The following CADM2 variants were observed in gnomAD, a reference collection of about 807,000 sequenced individuals.
The protein encoded by CADM2 is cell adhesion molecule 2, also known as immunoglobulin superfamily member 4D.
Under a neutral mutation model 49.8 loss-of-function variants are expected in CADM2, and 12 were observed. The observed-to-expected ratio is 0.24, with a 90% CI of 0.15 to 0.39. The LOEUF is 0.39. Among genes scored for constraint, CADM2 ranks in the 10% least tolerant of loss-of-function variants. The pLI is 1.00. For missense variants in CADM2, 378 were observed against 492.3 expected (o/e 0.77, Z 2.20); for synonymous variants, 214 against 175.4 (o/e 1.22, Z -1.74).
intron 1 of CADM2, among the ~76,000 whole-genome samples, chr3:85,656,153 C>T (rs1381452492): frequency 2.0e-5 from 3 of 151,942 alleles, no homozygotes; most frequent in African/African-American, 7.2e-5. Flanking sequence ...ATGATCCTAA[C>T]TTTTTTATAT....
At chr3:85,524,121 C>A (rs139674866) in intron 1 of CADM2, among the ~76,000 whole-genome samples, 266 of 152,214 alleles carry the variant, frequency 1.7e-3, no homozygotes, top group African/African-American at 6.0e-3. Flanking sequence ...GAGTTACCAT[C>A]CCCAAAATAA....
chr3:85,127,268 C>T (rs1355916200), intron 1 of CADM2, among the ~76,000 whole-genome samples: 1 of 152,108 alleles, frequency 6.6e-6, no homozygotes, highest in Admixed American at 6.5e-5. Context: ...TACTGTGCTT[C>T]AATGGAATAA....
intron 1 of CADM2, among the ~76,000 whole-genome samples, chr3:85,262,998 CTTTT>C (rs959956940): frequency 6.0e-5 from 9 of 150,028 alleles, no homozygotes; most frequent in African/African-American, 2.3e-4. Flanking sequence ...TTCTTTCTTT[CTTTT>C]TTGTTTTGGA....
At chr3:85,982,160 G>A (rs1727558555) in intron 8 of CADM2, among the ~76,000 whole-genome samples, 1 of 151,644 alleles carries the variant, frequency 6.6e-6, no homozygotes, top group South Asian at 2.1e-4. Context: ...CTGCTTTTGA[G>A]AATTATCTGT....
intron 1 of CADM2, among the ~76,000 whole-genome samples, chr3:85,199,914 T>G (rs1288936115): frequency 6.6e-6 from 1 of 152,088 alleles, no homozygotes; most frequent in East Asian, 1.9e-4. Context: ...ATTGAAAAGT[T>G]TACTGTATCT....
At chr3:85,930,790 A>T (rs1720490092) in intron 6 of CADM2, among the ~76,000 whole-genome samples, 1 of 151,936 alleles carries the variant, frequency 6.6e-6, no homozygotes, top group Non-Finnish European at 1.5e-5. Context: ...ACTGGATCTC[A>T]TTCTTTTTAT....
At chr3:85,477,699 G>A (rs1016909442) in intron 1 of CADM2, among the ~76,000 whole-genome samples, 4 of 151,768 alleles carry the variant, frequency 2.6e-5, no homozygotes, top group Non-Finnish European at 2.9e-5. Context: ...TTCTTTTAAT[G>A]ATCTTGTTTG....
chr3:85,094,923 C>A (rs768734423), intron 1 of CADM2, among the ~76,000 whole-genome samples: 4 of 151,988 alleles, frequency 2.6e-5, no homozygotes, highest in Non-Finnish European at 5.9e-5. Flanking sequence ...ATATTAGCTT[C>A]CAACATAAAT....
intron 3 of CADM2, among the ~76,000 whole-genome samples, chr3:85,839,381 C>T (rs145403955): frequency 3.0e-4 from 46 of 151,734 alleles, no homozygotes; most frequent in African/African-American, 6.5e-4. Flanking sequence ...ATTTATAATA[C>T]TCTCTCTGTC....
intron 1 of CADM2, among the ~76,000 whole-genome samples, chr3:85,407,102 T>C (rs2035419977): frequency 2.0e-5 from 3 of 152,080 alleles, no homozygotes; most frequent in Admixed American, 2.0e-4. Context: ...CTGGAAAGTC[T>C]AAGGTGGGAG....
chr3:85,765,150 A>G (rs2069595076), intron 2 of CADM2, among the ~76,000 whole-genome samples: 1 of 152,072 alleles, frequency 6.6e-6, no homozygotes, highest in Admixed American at 6.6e-5. Context: ...TTCGCAAAGA[A>G]ACGCTTCAGT....
chr3:85,504,193 G>A (rs2040225529), intron 1 of CADM2, among the ~76,000 whole-genome samples: 1 of 151,894 alleles, frequency 6.6e-6, no homozygotes, highest in Admixed American at 6.6e-5. Context: ...GGTCTCGCTG[G>A]CTCAGGAGTG....
At chr3:85,673,491 T>TA (rs1293930565) in intron 1 of CADM2, among the ~76,000 whole-genome samples, 2 of 119,114 alleles carry the variant, frequency 1.7e-5, no homozygotes, top group African/African-American at 6.5e-5. Context: ...GAGAGTGCTA[T>TA]TAAAAAAAAA....
At chr3:85,996,887 T>C (rs1577899682) in intron 8 of CADM2, among the ~76,000 whole-genome samples, 2 of 152,292 alleles carry the variant, frequency 1.3e-5, no homozygotes, top group African/African-American at 4.8e-5. Flanking sequence ...ACAATCCCTA[T>C]TTTGATGCTT....
chr3:85,436,836 G>A (rs2107533470), intron 1 of CADM2, among the ~76,000 whole-genome samples: 1 of 152,276 alleles, frequency 6.6e-6, no homozygotes, highest in Non-Finnish European at 1.5e-5. Flanking sequence ...TAAAATTGAT[G>A]AACCTACATT....
chr3:85,330,542 T>C (rs769713333), intron 1 of CADM2, among the ~76,000 whole-genome samples: 3 of 152,216 alleles, frequency 2.0e-5, no homozygotes, highest in Admixed American at 6.5e-5. Context: ...CACTGCCCAG[T>C]GCATTTTCTA....
In CADM2 at chr3:85,141,184, G is replaced by A. The variant is rs1396915386; in HGVS notation, c.61+181516G>A. Among the ~76,000 whole-genome samples, 4 of 152,146 alleles carry A rather than the reference G, an allele frequency of 2.6e-5. No individual in the cohort carries two copies. The East Asian group carries it at 7.7e-4, about 29-fold the overall frequency. The stretch of plus-strand genomic sequence containing the variant: ...CCAATCATTGGTGAGAAGCATTACA[G>A]TTTTCAAAAACACAGACTCTGGAGC... On this transcript the variant is annotated intron_variant, in intron 1 of 9. Transcript: ENST00000383699.
intron 1 of CADM2, among the ~76,000 whole-genome samples, chr3:84,973,337 C>T (rs952000916): frequency 6.6e-6 from 1 of 152,168 alleles, no homozygotes; most frequent in African/African-American, 2.4e-5. Context: ...CTGTAAACCT[C>T]ACTGGGCTTT....
chr3:85,702,110 T>C (rs563139592), intron 1 of CADM2, among the ~76,000 whole-genome samples: 2 of 152,276 alleles, frequency 1.3e-5, no homozygotes, highest in East Asian at 3.9e-4. Flanking sequence ...GTAGGTAGCA[T>C]AGGGCTGTGC....
Sources: gnomAD v4.1 joint callset for allele counts (sites outside exome capture counted in the v4.1 genomes callset) on GRCh38, gnomAD v4.1.1 for gene constraint, MANE v1.5 for transcripts, NCBI Gene and HGNC (gene_info 2026-07-23, HGNC 2026-07-21) for gene names.